The following KHDRBS2 variants were observed in gnomAD, a reference collection of about 807,000 sequenced individuals.
The protein encoded by KHDRBS2 is KH domain-containing, RNA-binding, signal transduction-associated protein 2.
A neutral mutation model predicts 44.3 loss-of-function variants in KHDRBS2; 26 were observed. The ratio of observed to expected loss-of-function variants is 0.59; its 90% CI spans 0.43 to 0.81. The LOEUF (loss-of-function observed/expected upper bound fraction) is 0.81. Among genes scored for constraint, KHDRBS2 ranks in the 40% least tolerant of loss-of-function variants. The probability of loss-of-function intolerance (pLI) is 0.00; values close to 1 mark genes in which losing one functional copy is unlikely to be tolerated. For synonymous variants in KHDRBS2, 194 were observed against 151.1 expected, an observed-to-expected ratio of 1.28 and a Z score of -2.08; for missense variants, 476 against 433.1, an observed-to-expected ratio of 1.10 and a Z score of -0.88.
intron 3 of KHDRBS2, among the ~76,000 whole-genome samples, chr6:62,036,639 G>A (rs1785339975): frequency 6.6e-6 from 1 of 151,972 alleles, no homozygotes. Flanking sequence ...TTGGAAAAGT[G>A]TATTTCTTCC....
intron 2 of KHDRBS2, among the ~76,000 whole-genome samples, chr6:62,089,477 G>A (rs1799086301): frequency 6.6e-6 from 1 of 152,110 alleles, no homozygotes; most frequent in African/African-American, 2.4e-5. Context: ...TTGGCTAGGA[G>A]AAGGAGTTCC....
intron 4 of KHDRBS2, among the ~76,000 whole-genome samples, chr6:61,945,098 A>ATAT (rs1254852589): frequency 1.1e-4 from 5 of 45,812 alleles, no homozygotes; most frequent in East Asian, 6.0e-4. Context: ...CTTAAAAAAA[A>ATAT]AAAAAAAAAA....
intron 1 of KHDRBS2, among the ~76,000 whole-genome samples, chr6:62,192,117 C>T (rs1192590981): frequency 2.0e-5 from 3 of 151,860 alleles, no homozygotes; most frequent in Admixed American, 1.3e-4. Context: ...AATAAGCTCT[C>T]AGAGAGCTTA....
At chr6:62,220,887 A>G (rs757205583) in intron 1 of KHDRBS2, among the ~76,000 whole-genome samples, 4 of 151,992 alleles carry the variant, frequency 2.6e-5, no homozygotes, top group African/African-American at 4.8e-5. Context: ...AATTTGTTAG[A>G]TTACAAATAA....
chr6:62,073,924 T>C (rs1425292743), intron 2 of KHDRBS2, among the ~76,000 whole-genome samples: 1 of 151,814 alleles, frequency 6.6e-6, no homozygotes, highest in Admixed American at 6.6e-5. Flanking sequence ...ATGCCCTGCT[T>C]TTCCCCTAAG....
At chr6:61,736,196 T>G (rs1395678939) in intron 6 of KHDRBS2, among the ~76,000 whole-genome samples, 1 of 135,684 alleles carries the variant, frequency 7.4e-6, no homozygotes, top group Non-Finnish European at 1.5e-5. Flanking sequence ...ATATCTCTTA[T>G]TCTTTTTACT....
intron 4 of KHDRBS2, among the ~76,000 whole-genome samples, chr6:61,954,908 G>GTATATATATGTATATATACA (rs1562514474): frequency 2.5e-5 from 2 of 79,644 alleles, no homozygotes; most frequent in African/African-American, 1.1e-4. Flanking sequence ...ACATATGTGT[G>GTATATATATGTATATATACA]CATACATATA....
chr6:61,898,833 AT>A (rs1803417106), intron 5 of KHDRBS2, among the ~76,000 whole-genome samples: 1 of 152,078 alleles, frequency 6.6e-6, no homozygotes, highest in East Asian at 1.9e-4. Context: ...TAAGGGAGGT[AT>A]TTAGGAGCAA....
the KHDRBS2 span, among the ~76,000 whole-genome samples, chr6:61,570,736 A>G: frequency 6.6e-6 from 1 of 152,170 alleles, no homozygotes; most frequent in Non-Finnish European, 1.5e-5. Context: ...CAGAAACTTT[A>G]CAGCTCAGAA....
intron 1 of KHDRBS2, 105 bp from the exon 2 acceptor site, chr6:62,177,417 CA>C (rs1223959597): frequency 1.1e-6 from 1 of 871,318 alleles, no homozygotes; most frequent in Non-Finnish European, 1.7e-6. Flanking sequence ...CTCCTCTTCT[CA>C]AATAAGATTT....
intron 3 of KHDRBS2, among the ~76,000 whole-genome samples, chr6:62,043,492 T>C (rs1217598686): frequency 6.6e-6 from 1 of 152,138 alleles, no homozygotes; most frequent in Non-Finnish European, 1.5e-5. Flanking sequence ...ATTTAAAATG[T>C]AGCTTCTGTG....
the KHDRBS2 span, among the ~76,000 whole-genome samples, chr6:61,543,826 T>C: frequency 1.3e-5 from 2 of 152,196 alleles, no homozygotes; most frequent in East Asian, 3.9e-4. Context: ...GGAGGTCATT[T>C]TGTTAAGTGA....
intron 6 of KHDRBS2, among the ~76,000 whole-genome samples, chr6:61,893,776 C>T (rs1380078831): frequency 6.6e-6 from 1 of 152,004 alleles, no homozygotes; most frequent in Admixed American, 6.6e-5. Flanking sequence ...GGAGGGATAG[C>T]ATTAGGAGAT....
chr6:61,713,040 A>G (rs1168605818), intron 7 of KHDRBS2, among the ~76,000 whole-genome samples: 1 of 151,530 alleles, frequency 6.6e-6, no homozygotes, highest in Non-Finnish European at 1.5e-5. Flanking sequence ...CTTGCTTAGT[A>G]TAGTTCTTCA....
At chr6:61,848,476 T>C (rs1478195721) in intron 6 of KHDRBS2, among the ~76,000 whole-genome samples, 23 of 51,470 alleles carry the variant, frequency 4.5e-4, no homozygotes, top group Non-Finnish European at 6.1e-4. Flanking sequence ...GTTTTATATA[T>C]ATATATATAT....
At chr6:61,975,653 G>GCGCACACA (rs1554300998) in intron 4 of KHDRBS2, among the ~76,000 whole-genome samples, 10 of 88,322 alleles carry the variant, frequency 1.1e-4, no homozygotes, top group South Asian at 4.1e-4. Flanking sequence ...TAAGCAAGAT[G>GCGCACACA]CACACACACA....
At chr6:62,067,583 T>C (rs575072658) in intron 2 of KHDRBS2, among the ~76,000 whole-genome samples, 39 of 151,688 alleles carry the variant, frequency 2.6e-4, no homozygotes, top group South Asian at 2.1e-3. Flanking sequence ...TTTATTGATA[T>C]ATAGTTTACG....
At chr6:61,945,211 AATTTAAAAAC>A (rs1459772560) in intron 4 of KHDRBS2, among the ~76,000 whole-genome samples, 1 of 117,154 alleles carries the variant, frequency 8.5e-6, no homozygotes, top group Non-Finnish European at 1.9e-5. Flanking sequence ...AATGATTAAA[AATTTAAAAAC>A]TCTCATTTAA....
intron 3 of KHDRBS2, among the ~76,000 whole-genome samples, chr6:62,021,614 C>T (rs943453098): frequency 6.6e-6 from 1 of 151,354 alleles, no homozygotes; most frequent in Non-Finnish European, 1.5e-5. Context: ...GTAATGAAAC[C>T]CAGGGACCAA....
Sources: allele counts gnomAD v4.1 joint callset (sites outside exome capture counted in the v4.1 genomes callset), GRCh38; gene constraint gnomAD v4.1.1; transcripts MANE v1.5; gene names NCBI Gene and HGNC (gene_info 2026-07-23, HGNC 2026-07-21).